The following STPG2 variants were observed in gnomAD, a reference collection of about 807,000 sequenced individuals.
The protein encoded by STPG2 is sperm tail PG-rich repeat containing 2.
STPG2 carries 56 observed loss-of-function variants against 54.2 expected under a neutral mutation model. That is an observed-to-expected ratio of 1.03 (90% CI 0.83 to 1.29). The LOEUF (loss-of-function observed/expected upper bound fraction) is 1.29, where lower values mean the gene tolerates loss of function less well. Among genes scored for constraint, STPG2 ranks in the 50% most tolerant of loss-of-function variants. The pLI is 0.00. For missense variants in STPG2, 596 were observed against 544.9 expected (o/e 1.09, Z -0.93); for synonymous variants, 200 against 181.8 (o/e 1.10, Z -0.81).
At chr4:98,123,016 T>C (rs1305881212) in intron 3 of STPG2, among the ~76,000 whole-genome samples, 2 of 152,180 alleles carry the variant, frequency 1.3e-5, no homozygotes, top group African/African-American at 4.8e-5. Flanking sequence ...GATGGTTGTT[T>C]GTATTTCTGT....
chr4:98,136,922 C>A (rs1424766295), intron 1 of STPG2, among the ~76,000 whole-genome samples: 1 of 151,300 alleles, frequency 6.6e-6, no homozygotes, highest in Non-Finnish European at 1.5e-5. Context: ...TTTATTCCTG[C>A]AACAAAAGTA....
At position 97,762,780 on chromosome 4, in the gene STPG2, G is replaced by GAGATATTACTATCAGATTATGAAA. The variant is rs1182574165; in HGVS notation, c.1205-49990_1205-49967dup. Reference sequence around the variant, plus strand: ...TTCTTGTGAAATATTTTCATTTCCTGAGATATTACTATCAGATTATGAAAA... The same window carrying GAGATATTACTATCAGATTATGAAA: ...TTCTTGTGAAATATTTTCATTTCCTGAGATATTACTATCAGATTATGAAAAGATATTACTATCAGATTATGAAAA... On this transcript the variant is annotated intron_variant, in intron 9 of 10. Transcript: ENST00000295268. 2.0e-5 allele frequency among the ~76,000 whole-genome samples: 3 copies of GAGATATTACTATCAGATTATGAAA among 152,040 alleles called. No individual in the cohort carries two copies. In the East Asian group the frequency reaches 5.8e-4, roughly 29 times the overall value.
At chr4:97,970,005 T>C (rs1005904597) in intron 7 of STPG2, among the ~76,000 whole-genome samples, 1 of 152,198 alleles carries the variant, frequency 6.6e-6, no homozygotes, top group Non-Finnish European at 1.5e-5. Flanking sequence ...AGCATTCTTA[T>C]ACACCAATAA....
Position 98,143,296 on chromosome 4 carries a change from G to T in STPG2, c.-146C>A. The T allele has an allele frequency of 1.6e-6, 1 of 612,872 alleles. No individual in the cohort carries two copies. Among genetic ancestry groups the T allele is most frequent in the Non-Finnish European group, 2.9e-6 (1 of 347,610 alleles). The allele number at this position is 612,872 out of a possible 1,614,324, so 38.0% of individuals were successfully genotyped here. A position where few individuals can be genotyped will look rare whatever the true frequency, so the allele number is the denominator to read the frequency against. ...TCCGTAAACAGGGAAATTAGGGGTG[G>T]GGTTGTCTCCCCGCCCGCTCATTGA... On this transcript the variant is annotated 5_prime_UTR_variant, in exon 1 of 11. Transcript: ENST00000295268.
At chr4:97,466,997 T>A (rs1185428322) in intron 4 of STPG2, among the ~76,000 whole-genome samples, 2 of 151,856 alleles carry the variant, frequency 1.3e-5, no homozygotes, top group Non-Finnish European at 2.9e-5. Flanking sequence ...AGAAAAAAAA[T>A]AGTTAACATT....
At chr4:97,847,532 C>T (rs1728991835) in intron 8 of STPG2, among the ~76,000 whole-genome samples, 1 of 152,038 alleles carries the variant, frequency 6.6e-6, no homozygotes, top group Admixed American at 6.6e-5. Context: ...GACTGGAAAA[C>T]ATGATACTTC....
intron 3 of STPG2, among the ~76,000 whole-genome samples, chr4:98,116,154 T>A (rs1343005464): frequency 6.6e-6 from 1 of 151,880 alleles, no homozygotes; most frequent in Non-Finnish European, 1.5e-5. Context: ...TTTATATGTC[T>A]AAGTAATGCT....
At chr4:97,622,846 T>C (rs2148925731) in intron 10 of STPG2, among the ~76,000 whole-genome samples, 1 of 152,252 alleles carries the variant, frequency 6.6e-6, no homozygotes, top group Middle Eastern at 3.4e-3. Context: ...CCTGGTGGCA[T>C]CACATTACCT....
At chr4:98,059,778 T>C (rs2695464) in intron 5 of STPG2, among the ~76,000 whole-genome samples, 65,260 of 151,878 alleles carry the variant, frequency 0.43, 14,759 homozygotes, top group Admixed American at 0.55. Flanking sequence ...TCAATAAATA[T>C]GATTCATCAC....
chr4:98,112,503 G>T (rs1739393147), intron 3 of STPG2, among the ~76,000 whole-genome samples: 2 of 152,072 alleles, frequency 1.3e-5, no homozygotes, highest in Non-Finnish European at 2.9e-5. Flanking sequence ...ACACATGACT[G>T]TGTAAGCATT....
intron 4 of STPG2, among the ~76,000 whole-genome samples, chr4:97,445,267 A>G (rs1349712084): frequency 6.6e-6 from 1 of 152,200 alleles, no homozygotes; most frequent in Non-Finnish European, 1.5e-5. Flanking sequence ...TAATAGAAGC[A>G]AAAGTATAAT....
At chr4:97,519,615 C>T (rs923297622) in intron 4 of STPG2, among the ~76,000 whole-genome samples, 4 of 151,986 alleles carry the variant, frequency 2.6e-5, no homozygotes, top group African/African-American at 9.7e-5. Context: ...ATGCAGACAC[C>T]TCTGCAAACT....
intron 5 of STPG2, among the ~76,000 whole-genome samples, chr4:98,031,489 C>A (rs1400092372): frequency 3.3e-5 from 5 of 151,954 alleles, no homozygotes; most frequent in Non-Finnish European, 7.4e-5. Context: ...CTATCCTGGC[C>A]AACATGGTGA....
intron 5 of STPG2, among the ~76,000 whole-genome samples, chr4:98,048,392 T>C (rs1737208601): frequency 6.6e-6 from 1 of 152,222 alleles, no homozygotes; most frequent in Admixed American, 6.5e-5. Context: ...TATCTTAAAT[T>C]AGAAAGAGCA....
At chr4:97,895,356 A>T (rs1049514277) in intron 8 of STPG2, among the ~76,000 whole-genome samples, 1 of 151,916 alleles carries the variant, frequency 6.6e-6, no homozygotes, top group African/African-American at 2.4e-5. Flanking sequence ...CTTTCAAGAG[A>T]TATAGTCTAA....
intron 10 of STPG2, among the ~76,000 whole-genome samples, chr4:97,587,849 G>A (rs902025272): frequency 1.3e-5 from 2 of 151,902 alleles, no homozygotes; most frequent in African/African-American, 4.8e-5. Flanking sequence ...CCCTCCTTAA[G>A]TCTGAATGAA....
At chr4:97,922,665 A>T (rs1021042002) in intron 8 of STPG2, among the ~76,000 whole-genome samples, 3 of 152,222 alleles carry the variant, frequency 2.0e-5, no homozygotes, top group Non-Finnish European at 4.4e-5. Flanking sequence ...AACCATATTT[A>T]TGCTTTGCCA....
At chr4:97,825,678 T>C (rs1728229507) in intron 9 of STPG2, among the ~76,000 whole-genome samples, 1 of 152,180 alleles carries the variant, frequency 6.6e-6, no homozygotes, top group African/African-American at 2.4e-5. Context: ...AAATGAAAAA[T>C]CTTACAACTA....
chr4:97,515,021 T>G (rs1336898270), intron 4 of STPG2, among the ~76,000 whole-genome samples: 1 of 152,134 alleles, frequency 6.6e-6, no homozygotes, highest in East Asian at 1.9e-4. Context: ...TCAGAACTTT[T>G]GACAAAATCA....
Sources: gnomAD v4.1 joint callset for allele counts (sites outside exome capture counted in the v4.1 genomes callset) on GRCh38, gnomAD v4.1.1 for gene constraint, MANE v1.5 for transcripts, NCBI Gene and HGNC (gene_info 2026-07-23, HGNC 2026-07-21) for gene names.